Variants in A4GALT observed in about 807,000 individuals in gnomAD.
A4GALT encodes the protein lactosylceramide 4-alpha-galactosyltransferase.
For missense variants in A4GALT, 512 were observed against 486.0 expected (o/e 1.05, Z -0.50); for synonymous variants, 257 against 220.7 (o/e 1.16, Z -1.46).
chr22:42,717,724 T>C (rs1922315554), intron 1 of A4GALT, among the ~76,000 whole-genome samples: 3 of 151,862 alleles, frequency 2.0e-5, no homozygotes, highest in Admixed American at 2.0e-4. Flanking sequence ...TTGCTGCTCC[T>C]CTCTATCTCT....
chr22:42,699,547 C>A lies in A4GALT; in HGVS notation c.-187-3916G>T, dbSNP rs116656339. Reference sequence around the variant, plus strand: ...TCATGGGCCTGGCCCGGGGAGCTGACTGAGGACTTGGAGAGCCCCATGCAG... The same window carrying A: ...TCATGGGCCTGGCCCGGGGAGCTGAATGAGGACTTGGAGAGCCCCATGCAG... On this transcript the variant is annotated intron_variant, in intron 1 of 2. Transcript: ENST00000642412. 8.0e-3 allele frequency among the ~76,000 whole-genome samples: 1,223 copies of A among 152,270 alleles called. 17 individuals are homozygous for A. Among genetic ancestry groups the A allele is most frequent in the African/African-American group, 0.028 (1,166 of 41,550 alleles).
chr22:42,700,955 C>T (rs775115147), intron 1 of A4GALT, among the ~76,000 whole-genome samples: 4 of 152,172 alleles, frequency 2.6e-5, no homozygotes, highest in Admixed American at 6.5e-5. Context: ...GCAGCCAGGA[C>T]GTAGCATGCT....
chr22:42,713,584 G>C (rs1311533712), intron 1 of A4GALT, among the ~76,000 whole-genome samples: 1 of 152,028 alleles, frequency 6.6e-6, no homozygotes, highest in Non-Finnish European at 1.5e-5. Flanking sequence ...GGCCGAGGCG[G>C]GTGGATCACC....
At chr22:42,709,347 A>AAC in intron 1 of A4GALT, among the ~76,000 whole-genome samples, 1 of 150,714 alleles carries the variant, frequency 6.6e-6, no homozygotes, top group Non-Finnish European at 1.5e-5. Context: ...GCCAGGCCAA[A>AAC]AAAAAAAAAA....
chr22:42,697,277 G>A (rs1931001899), intron 1 of A4GALT, among the ~76,000 whole-genome samples: 1 of 97,278 alleles, frequency 1.0e-5, no homozygotes, highest in Non-Finnish European at 2.2e-5. Flanking sequence ...TGACCAAGTG[G>A]GCCAGTGCGA....
intron 1 of A4GALT, among the ~76,000 whole-genome samples, chr22:42,711,815 G>A (rs1921721698): frequency 6.6e-6 from 1 of 151,920 alleles, no homozygotes; most frequent in Non-Finnish European, 1.5e-5. Flanking sequence ...TGTATTTTTA[G>A]TTTTACCATG....
At position 42,693,110 on chromosome 22, in the gene A4GALT, G is replaced by A; in HGVS notation, c.842C>T (p.Pro281Leu). The change falls in exon 3 of 3, where the codon CCT becomes CTT. Residue 281 changes from proline (P) to leucine (L), a missense_variant. Pro to Leu is a moderately conservative substitution (Grantham distance 98, BLOSUM62 -3). Coordinates refer to ENST00000642412, the MANE Select transcript of A4GALT (RefSeq NM_017436.7). ...RACRGVTTLP[P>L]EAFYPIPWQD... The stretch of plus-strand genomic sequence containing the variant: ...CCAGGGGATGGGGTAGAAGGCCTCA[G>A]GGGGCAGGGTGGTGACGCCGCGGCA... The A allele has an allele frequency of 6.2e-7, 1 of 1,611,754 alleles. No homozygotes were observed. The highest frequency in any genetic ancestry group is 8.5e-7 in the Non-Finnish European group (1 of 1,179,286).
At chr22:42,720,159 G>C (rs376603695) in intron 1 of A4GALT, among the ~76,000 whole-genome samples, 6 of 152,166 alleles carry the variant, frequency 3.9e-5, no homozygotes, top group East Asian at 3.9e-4. Flanking sequence ...CTGCGGATCC[G>C]AGGCGAGCGC....
At chr22:42,702,100 T>A (rs1931336074) in intron 1 of A4GALT, among the ~76,000 whole-genome samples, 1 of 142,178 alleles carries the variant, frequency 7.0e-6, no homozygotes, top group South Asian at 2.1e-4. Flanking sequence ...CAGGTTGGTG[T>A]CTCTCTCTCT....
At chr22:42,697,634 C>A (rs149399083) in intron 1 of A4GALT, among the ~76,000 whole-genome samples, 1,559 of 152,202 alleles carry the variant, frequency 0.01, 9 homozygotes, top group Non-Finnish European at 0.014. Flanking sequence ...GGTGTCAGAG[C>A]CCAAGACCCA....
chr22:42,692,411 A>C lies in A4GALT; in HGVS notation c.*479T>G. ...CCACCCCCCGCGAAAGAGGAACCAA[A>C]ACCAGAAAAGAACAAAGCATCCTCC... On this transcript the variant is annotated 3_prime_UTR_variant, in exon 3 of 3. Coordinates refer to ENST00000642412, the MANE Select transcript of A4GALT (RefSeq NM_017436.7). This position sits in a 1 kb window ranked among gnomAD's most constrained non-coding sequence, Gnocchi z 4.6. 3.1e-6 allele frequency: 1 copy of C among 322,730 alleles called. No individual in the cohort carries two copies. The highest frequency in any genetic ancestry group is 6.1e-6 in the Non-Finnish European group (1 of 163,612). 20.0% of individuals were successfully genotyped at this position (322,730 alleles called of 1,614,324 possible). A position where few individuals can be genotyped will look rare whatever the true frequency, so the allele number is the denominator to read the frequency against.
chr22:42,713,095 G>A (rs571986344), intron 1 of A4GALT, among the ~76,000 whole-genome samples: 2 of 152,212 alleles, frequency 1.3e-5, no homozygotes, highest in South Asian at 4.1e-4. Context: ...TTCTTCATCT[G>A]TAAAATAAAG....
At chr22:42,706,658 G>A (rs1444201987) in intron 1 of A4GALT, among the ~76,000 whole-genome samples, 1 of 152,028 alleles carries the variant, frequency 6.6e-6, no homozygotes, top group Admixed American at 6.6e-5. Flanking sequence ...AGCTGGGCAT[G>A]GTGGCAGGTG....
chr22:42,711,425 T>C (rs1198795937), intron 1 of A4GALT, among the ~76,000 whole-genome samples: 1 of 152,194 alleles, frequency 6.6e-6, no homozygotes, highest in East Asian at 1.9e-4. Context: ...TACAGATGAA[T>C]GACATTTGCA....
At chr22:42,719,765 G>A (rs939375412) in intron 1 of A4GALT, among the ~76,000 whole-genome samples, 3 of 152,154 alleles carry the variant, frequency 2.0e-5, no homozygotes, top group East Asian at 1.9e-4. Context: ...TGGCGGGAAC[G>A]GGAAGGCCAG....
chr22:42,693,676 G>T lies in A4GALT; in HGVS notation c.276C>A (p.Phe92Leu). ...CCGACTCCACCGAGCACATGAACAGGAAGTTGGGGTTGGTCCGGTCTGAAG... is the reference window on the plus strand; with the variant it reads ...CCGACTCCACCGAGCACATGAACAGTAAGTTGGGGTTGGTCCGGTCTGAAG... ...LETSDRTNPNFLFMCSVESAA... is the reference protein window; with the variant it reads ...LETSDRTNPNLLFMCSVESAA... Residue 92 changes from phenylalanine to leucine, a missense_variant, in exon 3 of 3, where the codon TTC becomes TTA. Coordinates refer to ENST00000642412, the MANE Select transcript of A4GALT (RefSeq NM_017436.7). 1 of 1,423,756 alleles carries T rather than the reference G, an allele frequency of 7.0e-7. No individual in the cohort carries two copies. Among genetic ancestry groups the T allele is most frequent in the Non-Finnish European group, 9.4e-7 (1 of 1,059,140 alleles). 88.2% of individuals were successfully genotyped at this position (1,423,756 alleles called of 1,614,324 possible). A position where few individuals can be genotyped will look rare whatever the true frequency, so the allele number is the denominator to read the frequency against.
At chr22:42,709,975 T>G (rs922999604) in intron 1 of A4GALT, among the ~76,000 whole-genome samples, 2 of 152,124 alleles carry the variant, frequency 1.3e-5, no homozygotes, top group African/African-American at 4.8e-5. Context: ...TAGCCAACAC[T>G]TAGTAAATTA....
At chr22:42,717,999 A>G (rs1039777233) in intron 1 of A4GALT, among the ~76,000 whole-genome samples, 1 of 152,192 alleles carries the variant, frequency 6.6e-6, no homozygotes, top group African/African-American at 2.4e-5. Flanking sequence ...GTTCATACGC[A>G]CTGATTACCA....
intron 1 of A4GALT, among the ~76,000 whole-genome samples, chr22:42,706,873 T>C (rs1921192458): frequency 6.6e-6 from 1 of 151,982 alleles, no homozygotes; most frequent in African/African-American, 2.4e-5. Flanking sequence ...AAAATCTTAA[T>C]ATAAAATGAT....
Sources: allele counts gnomAD v4.1 joint callset (sites outside exome capture counted in the v4.1 genomes callset), GRCh38; gene constraint gnomAD v4.1.1; non-coding constraint Gnocchi (gnomAD v3.1); transcripts MANE v1.5; gene names NCBI Gene and HGNC (gene_info 2026-07-23, HGNC 2026-07-21).